The following TIAM2 variants were observed in gnomAD, a reference collection of about 807,000 sequenced individuals.
TIAM2 encodes the protein TIAM Rac1 associated GEF 2, also known as rho guanine nucleotide exchange factor TIAM2.
TIAM2 carries 80 observed loss-of-function variants against 152.9 expected under a neutral mutation model. That is an observed-to-expected ratio of 0.52 (90% CI 0.44 to 0.63). The LOEUF (loss-of-function observed/expected upper bound fraction) is 0.63, where lower values mean the gene tolerates loss of function less well. Among genes scored for constraint, TIAM2 ranks in the 30% least tolerant of loss-of-function variants. The pLI is 0.00. For missense variants in TIAM2, 1,965 were observed against 2,120.1 expected (o/e 0.93, Z 1.44); for synonymous variants, 804 against 838.0 (o/e 0.96, Z 0.70).
intron 1 of TIAM2, among the ~76,000 whole-genome samples, chr6:155,023,450 G>A (rs142171127): frequency 0.015 from 2,295 of 152,204 alleles, 58 homozygotes; most frequent in African/African-American, 0.052. Context: ...TTTCGGCTGC[G>A]TCTAAATTTG....
chr6:155,095,943 A>T (rs1778411091), intron 2 of TIAM2, among the ~76,000 whole-genome samples: 1 of 152,208 alleles, frequency 6.6e-6, no homozygotes, highest in Non-Finnish European at 1.5e-5. Flanking sequence ...GGGATTTTAC[A>T]AGCATATTTC....
At chr6:155,221,934 ATTC>A (rs746390696) in intron 15 of TIAM2, among the ~76,000 whole-genome samples, 12 of 151,360 alleles carry the variant, frequency 7.9e-5, no homozygotes, top group African/African-American at 2.4e-4. Context: ...GTTCTTGCCT[ATTC>A]TTCTTCTTAT....
intron 1 of TIAM2, among the ~76,000 whole-genome samples, chr6:155,053,416 A>G (rs1223633422): frequency 6.7e-6 from 1 of 150,240 alleles, no homozygotes; most frequent in Non-Finnish European, 1.5e-5. Flanking sequence ...TGGCCTCCCA[A>G]AGACTTGGGA....
chr6:155,092,347 C>A (rs1163560546), intron 2 of TIAM2, among the ~76,000 whole-genome samples: 1 of 152,124 alleles, frequency 6.6e-6, no homozygotes, highest in Non-Finnish European at 1.5e-5. Context: ...ATCCGCCCGT[C>A]TCAGCCTCCC....
In TIAM2 at chr6:155,248,036, C is replaced by G; in HGVS notation, c.3689C>G (p.Ala1230Gly). 1.9e-6 allele frequency: 3 copies of G among 1,614,206 alleles called. No homozygotes were observed. Among genetic ancestry groups the G allele is most frequent in the Non-Finnish European group, 2.5e-6 (3 of 1,180,026 alleles). Residue 1230 changes from alanine to glycine, a missense_variant, in exon 20 of 27, where the codon GCC becomes GGC. By Grantham distance (60) the Ala-to-Gly change is moderately conservative. Coordinates refer to ENST00000682666, the MANE Select transcript of TIAM2 (RefSeq NM_012454.4). ...TDKAFKAFLD[A>G]RNPTKQHSST... The stretch of plus-strand genomic sequence containing the variant: ...AAAGCCTTCAAGGCTTTTCTGGACG[C>G]CCGGAACCCCACCAAGCAGCATTCC...
rs1250509877 is a variant in TIAM2, at chr6:155,129,096, T to C, written c.-6-122T>C. The C allele has an allele frequency of 8.0e-6, 7 of 879,824 alleles. No individual in the cohort carries two copies. 54.5% of individuals were successfully genotyped at this position (879,824 alleles called of 1,614,324 possible). A position where few individuals can be genotyped will look rare whatever the true frequency, so the allele number is the denominator to read the frequency against. The stretch of plus-strand genomic sequence containing the variant: ...ACTGACTGACTCTTGTCCCTACTCC[T>C]CTGAGTCCTTCCAGGCACTGAAGTT... On this transcript the variant is annotated intron_variant, in intron 3 of 26. Transcript: ENST00000682666. This position sits in a 1 kb window ranked among gnomAD's most constrained non-coding sequence, Gnocchi z 4.8.
intron 14 of TIAM2, among the ~76,000 whole-genome samples, chr6:155,196,916 G>T (rs1298753594): frequency 1.3e-5 from 2 of 152,184 alleles, no homozygotes; most frequent in African/African-American, 2.4e-5. Flanking sequence ...TCTTTAACAT[G>T]TCGTGGGAAA....
At chr6:155,206,435 C>T (rs2115200874) in intron 14 of TIAM2, among the ~76,000 whole-genome samples, 1 of 152,258 alleles carries the variant, frequency 6.6e-6, no homozygotes, top group East Asian at 1.9e-4. Context: ...TGGGGTTTCA[C>T]CATGTTAGCC....
rs1780706058 is a variant in TIAM2 at position 155,174,205 on chromosome 6, G to A, written c.2362-2611G>A. 6.6e-6 allele frequency among the ~76,000 whole-genome samples: 1 copy of A among 152,196 alleles called. No individual in the cohort carries two copies. The highest frequency in any genetic ancestry group is 6.5e-5 in the Admixed American group (1 of 15,278). ...CCCTTCAGATCCCCGGAGTACCATA[G>A]GCACTAGTTGTGTAAACTTGGGCAA... On this transcript the variant is annotated intron_variant, in intron 9 of 26. Transcript: ENST00000682666. This position sits in a 1 kb window ranked among gnomAD's most constrained non-coding sequence, Gnocchi z 4.2.
At position 155,092,640 on chromosome 6, in the gene TIAM2, G is replaced by C. The variant is rs185512405; in HGVS notation, c.-118+2261G>C. On this transcript the variant is annotated intron_variant, in intron 2 of 26. Transcript: ENST00000682666. ...GGAGGCTGAGGCAGGCGGATCACCTGAGGTCGGGAGTTCAAGACCAGTCTG... is the reference window on the plus strand; with the variant it reads ...GGAGGCTGAGGCAGGCGGATCACCTCAGGTCGGGAGTTCAAGACCAGTCTG... Among the ~76,000 whole-genome samples the C allele has an allele frequency of 3.0e-3, 455 of 152,124 alleles. 2 individuals carry two copies. Among genetic ancestry groups the C allele is most frequent in the African/African-American group, 0.01 (435 of 41,520 alleles).
Position 155,245,728 on chromosome 6 carries a change from C to G in TIAM2, c.3649C>G (p.Arg1217Gly). 6.6e-7 allele frequency: 1 copy of G among 1,506,944 alleles called. No individual in the cohort carries two copies. The highest frequency in any genetic ancestry group is 9.1e-7 in the Non-Finnish European group (1 of 1,103,036). The allele number at this position is 1,506,944 out of a possible 1,614,324, so 93.3% of individuals were successfully genotyped here. The change falls in exon 19 of 27, where the codon CGA becomes GGA. Residue 1217 changes from arginine (R) to glycine (G), a missense_variant. This residue lies in a region of TIAM2 where 935 missense variants were observed against 980.0 expected (regional missense o/e 0.95). Transcript: ENST00000682666. ...NHIKVQKVLE[R>G]AKTDKAFKAF... Reference sequence around the variant, plus strand: ...TATCAAAGTACAGAAGGTTCTGGAGCGAGGTAAGTTGCTTATGCCTTTTAT... The same window carrying G: ...TATCAAAGTACAGAAGGTTCTGGAGGGAGGTAAGTTGCTTATGCCTTTTAT...
Position 155,244,153 on chromosome 6 carries a change from T to TGAGA in TIAM2, c.3417+76_3417+79dup. The stretch of plus-strand genomic sequence containing the variant: ...TGTTTGCCTTTTAGCAGAACTCCTA[T>TGAGA]GAGAGTATCTCTGTTGATCCCAAAA... On this transcript the variant is annotated intron_variant, in intron 17 of 26. Coordinates refer to ENST00000682666, the MANE Select transcript of TIAM2 (RefSeq NM_012454.4). 10 of 1,349,318 alleles carry TGAGA rather than the reference T, an allele frequency of 7.4e-6. No homozygotes were observed. In the South Asian group the frequency reaches 1.2e-4, roughly 16 times the overall value. The allele number at this position is 1,349,318 out of a possible 1,614,324, so 83.6% of individuals were successfully genotyped here.
At chr6:155,086,962 G>A (rs530618466) in intron 1 of TIAM2, among the ~76,000 whole-genome samples, 36 of 152,326 alleles carry the variant, frequency 2.4e-4, no homozygotes, top group African/African-American at 8.4e-4. Context: ...AAGGGGAAAG[G>A]TAAGTGAGTT....
At chr6:155,122,753 C>T (rs1779199683) in intron 2 of TIAM2, among the ~76,000 whole-genome samples, 1 of 152,088 alleles carries the variant, frequency 6.6e-6, no homozygotes, top group African/African-American at 2.4e-5. Flanking sequence ...CTTCATATCT[C>T]TTCCTGCAGG....
At chr6:155,067,832 G>A (rs763155571) in intron 1 of TIAM2, among the ~76,000 whole-genome samples, 2 of 152,004 alleles carry the variant, frequency 1.3e-5, no homozygotes, top group Admixed American at 1.3e-4. Flanking sequence ...TGTAGTGACG[G>A]GCTTTTCCCA....
intron 1 of TIAM2, among the ~76,000 whole-genome samples, chr6:155,051,310 G>T (rs553955371): frequency 2.6e-5 from 4 of 152,322 alleles, no homozygotes; most frequent in African/African-American, 9.6e-5. Context: ...TGTGCCCTGG[G>T]AGCAGAGCCC....
intron 1 of TIAM2, among the ~76,000 whole-genome samples, chr6:155,000,790 C>T (rs900246673): frequency 6.6e-6 from 1 of 152,150 alleles, no homozygotes; most frequent in Non-Finnish European, 1.5e-5. Context: ...TCAAGACCAG[C>T]CTGGCCAACA....
intron 5 of TIAM2, among the ~76,000 whole-genome samples, chr6:155,140,413 A>G (rs747916910): frequency 2.6e-5 from 4 of 152,154 alleles, no homozygotes; most frequent in Non-Finnish European, 5.9e-5. Context: ...TTTGTCATGT[A>G]TCTACTTTTT....
chr6:155,238,431 C>T (rs57351747), intron 15 of TIAM2, among the ~76,000 whole-genome samples: 64,425 of 152,116 alleles, frequency 0.42, 14,755 homozygotes, highest in Middle Eastern at 0.56. Context: ...GTTGCCTCCA[C>T]GTTTTCAGTT....
Sources: allele counts gnomAD v4.1 joint callset (sites outside exome capture counted in the v4.1 genomes callset), GRCh38; gene constraint gnomAD v4.1.1; regional missense constraint gnomAD v4.1.1; non-coding constraint Gnocchi (gnomAD v3.1); transcripts MANE v1.5; gene names NCBI Gene and HGNC (gene_info 2026-07-23, HGNC 2026-07-21).